LRPPRC: variants seen among roughly 807,000 people sequenced by gnomAD.
The protein encoded by LRPPRC is leucine rich pentatricopeptide repeat containing, also known as leucine-rich PPR motif-containing protein, mitochondrial.
Under a neutral mutation model 180.3 loss-of-function variants are expected in LRPPRC, and 120 were observed. The observed-to-expected ratio is 0.67, with a 90% confidence interval of 0.57 to 0.77. LRPPRC has a LOEUF of 0.77. Ranked by LOEUF, LRPPRC falls within the 30% of genes least tolerant of loss-of-function variation. The pLI, the probability that LRPPRC is intolerant of heterozygous loss-of-function variation, is 0.00. For missense variants in LRPPRC, 2,012 were observed against 1,657.2 expected, an observed-to-expected ratio of 1.21 and a Z score of -3.72; for synonymous variants, 723 against 600.0, an observed-to-expected ratio of 1.21 and a Z score of -3.00.
At chr2:43,918,579 T>C (rs1378781602) in intron 27 of LRPPRC, among the ~76,000 whole-genome samples, 181 bp from the exon 28 acceptor site, 1 of 151,982 alleles carries the variant, frequency 6.6e-6, no homozygotes, top group Non-Finnish European at 1.5e-5. Context: ...TCTGTACTTC[T>C]GAATTACAAA....
In LRPPRC at chr2:43,974,300, G is replaced by T; in HGVS notation, c.1010-5C>A. 6.2e-7 allele frequency: 1 copy of T among 1,606,474 alleles called. No homozygotes were observed. On this transcript the variant is annotated splice_region_variant and splice_polypyrimidine_tract_variant and intron_variant, in intron 8 of 37. Coordinates refer to ENST00000260665, the MANE Select transcript of LRPPRC (RefSeq NM_133259.4). The stretch of plus-strand genomic sequence containing the variant: ...GTAAAATGAGGTTCATTGCATCTGG[G>T]AAGAAAACAAAGACATCTTTTGTTA...
rs74980283 is a variant in LRPPRC, at chr2:43,934,026, T to C, written c.2736+164A>G. On this transcript the variant is annotated intron_variant, in intron 25 of 37. Coordinates refer to ENST00000260665, the MANE Select transcript of LRPPRC (RefSeq NM_133259.4). ...CTGCCTTTTCTGAACTGTAATTATA[T>C]ACAATAAAGAAGCTGGCCGAGATCC... 4.6e-5 allele frequency among the ~76,000 whole-genome samples: 7 copies of C among 152,302 alleles called. No homozygotes were observed. The East Asian group carries it at 1.2e-3, about 25-fold the overall frequency.
chr2:43,918,099 G>T lies in LRPPRC; in HGVS notation c.3074C>A (p.Ser1025Tyr). 1 of 1,613,800 alleles carries T rather than the reference G, an allele frequency of 6.2e-7. No individual in the cohort carries two copies. The highest frequency in any genetic ancestry group is 8.5e-7 in the Non-Finnish European group (1 of 1,179,922). Residue 1025 changes from serine to tyrosine, a missense_variant, in exon 29 of 38, where the codon TCT (serine) becomes TAT (tyrosine). Ser to Tyr is a moderately radical substitution (Grantham distance 144). Transcript: ENST00000260665. ...AGGTTCTGTGGTTGAGGCTGACGAAGAATTCAGGGAATGTTTTTCATCTTC... is the reference window on the plus strand; with the variant it reads ...AGGTTCTGTGGTTGAGGCTGACGAATAATTCAGGGAATGTTTTTCATCTTC... Reference protein sequence around the residue: ...WYEDEKHSLNSSSASTTEPDF... With the variant: ...WYEDEKHSLNYSSASTTEPDF...
At chr2:43,953,607 C>G (rs1672989533) in intron 14 of LRPPRC, among the ~76,000 whole-genome samples, 1 of 152,076 alleles carries the variant, frequency 6.6e-6, no homozygotes. Context: ...ATTTTAGATG[C>G]TAACAAACAG....
chr2:43,901,855 T>C, intron 31 of LRPPRC: 1 of 246,346 alleles, frequency 4.1e-6, no homozygotes, highest in South Asian at 5.9e-5. Flanking sequence ...AAAGATTTTC[T>C]AGAGTTTCCA....
chr2:43,891,302 G>A (rs191149408), intron 36 of LRPPRC, among the ~76,000 whole-genome samples: 5 of 152,240 alleles, frequency 3.3e-5, no homozygotes, highest in South Asian at 2.1e-4. Flanking sequence ...AGATTTATGC[G>A]CTTGACACTA....
intron 14 of LRPPRC, among the ~76,000 whole-genome samples, chr2:43,954,106 A>T (rs749257377): frequency 1.8e-4 from 27 of 152,190 alleles, no homozygotes; most frequent in Non-Finnish European, 3.5e-4. Context: ...TGCGACACTG[A>T]CTACAAACTC....
In LRPPRC at chr2:43,901,403, C is replaced by T. The variant is rs143988510; in HGVS notation, c.3486G>A (p.Gln1162=). The T allele has an allele frequency of 1.2e-5, 19 of 1,613,712 alleles. No individual in the cohort carries two copies. In the African/African-American group the frequency reaches 2.3e-4, roughly 19 times the overall value. Residue 1162 remains glutamine, a synonymous_variant, in exon 32 of 38, where the codon CAG becomes CAA. Coordinates refer to ENST00000260665, the MANE Select transcript of LRPPRC (RefSeq NM_133259.4). ...AGTCTTCGAGTCCATTTAACATCTT[C>T]TGAACTACTTCTATGTTTTCAACAT... ...KGDVENIEVV[Q]KMLNGLEDSI...
At chr2:43,933,804 G>C (rs758977586) in intron 25 of LRPPRC, among the ~76,000 whole-genome samples, 32 of 152,268 alleles carry the variant, frequency 2.1e-4, no homozygotes, top group Middle Eastern at 3.4e-3. Flanking sequence ...TAAATCTTGA[G>C]CATGGTCTGC....
chr2:43,903,337 T>C (rs1026042030), intron 31 of LRPPRC: 2 of 152,244 alleles, frequency 1.3e-5, no homozygotes, highest in African/African-American at 4.8e-5. Flanking sequence ...GTATCAGCTA[T>C]TAATATTCAC....
intron 8 of LRPPRC, 74 bp downstream of exon 8, chr2:43,974,540 T>C: frequency 1.8e-6 from 2 of 1,103,246 alleles, no homozygotes; most frequent in Non-Finnish European, 2.7e-6. Flanking sequence ...TGTTAGAAAA[T>C]GTCCTTTCCA....
In LRPPRC at chr2:43,963,406, T is replaced by C. The variant is rs150006452; in HGVS notation, c.1488+182A>G. ...TTGCAGTGAGCCAAGATTGTGCCAT[T>C]GCACTCCTGCCTGGGCAATGAGAGA... On this transcript the variant is annotated intron_variant, in intron 12 of 37. Transcript: ENST00000260665. 212 of 638,798 alleles carry C rather than the reference T, an allele frequency of 3.3e-4. No homozygotes were observed. The East Asian group carries it at 5.3e-3, about 16-fold the overall frequency. 39.6% of individuals were successfully genotyped at this position (638,798 alleles called of 1,614,324 possible).
intron 25 of LRPPRC, among the ~76,000 whole-genome samples, chr2:43,928,698 T>C (rs998487679): frequency 6.6e-6 from 1 of 151,942 alleles, no homozygotes; most frequent in Non-Finnish European, 1.5e-5. Context: ...CTGCGGTGTG[T>C]TATGATTGCA....
At chr2:43,990,877 G>T (rs942777652) in intron 1 of LRPPRC, among the ~76,000 whole-genome samples, 1 of 143,144 alleles carries the variant, frequency 7.0e-6, no homozygotes, top group Non-Finnish European at 1.5e-5. Flanking sequence ...ATGGAGTCTC[G>T]CTTCGTAGCC....
At chr2:43,966,783 G>C (rs569597288) in intron 11 of LRPPRC, among the ~76,000 whole-genome samples, 14 of 151,196 alleles carry the variant, frequency 9.3e-5, no homozygotes, top group African/African-American at 3.4e-4. Flanking sequence ...CAGCACGGTG[G>C]CTCACACCTG....
At chr2:43,978,823 C>CTTTCTTGGATTCTTTTCTCTATTTTCT (rs1674173136) in intron 3 of LRPPRC, among the ~76,000 whole-genome samples, 1 of 151,904 alleles carries the variant, frequency 6.6e-6, no homozygotes, top group East Asian at 1.9e-4. Flanking sequence ...TGTAGCTATA[C>CTTTCTTGGATTCTTTTCTCTATTTTCT]TTTCTTGGAT....
intron 11 of LRPPRC, among the ~76,000 whole-genome samples, chr2:43,966,601 G>A (rs910756482): frequency 1.8e-4 from 28 of 151,488 alleles, no homozygotes; most frequent in African/African-American, 6.5e-4. Flanking sequence ...CCAGAGACGG[G>A]GTTTCATCAT....
chr2:43,958,175 G>A (rs1673199267), intron 13 of LRPPRC, among the ~76,000 whole-genome samples: 1 of 152,116 alleles, frequency 6.6e-6, no homozygotes, highest in Admixed American at 6.5e-5. Context: ...ACTAGCAAGG[G>A]ATGAGATCAC....
intron 30 of LRPPRC, 70 bp downstream of exon 30, chr2:43,912,362 A>C (rs1213332396): frequency 7.2e-7 from 1 of 1,385,986 alleles, no homozygotes; most frequent in East Asian, 2.3e-5. Flanking sequence ...CATTACTATT[A>C]TAATTATTGG....
Sources: allele counts gnomAD v4.1 joint callset (sites outside exome capture counted in the v4.1 genomes callset), GRCh38; gene constraint gnomAD v4.1.1; transcripts MANE v1.5; gene names NCBI Gene and HGNC (gene_info 2026-07-23, HGNC 2026-07-21).